The following PRICKLE2 variants were observed in gnomAD, a reference collection of about 807,000 sequenced individuals.
PRICKLE2 encodes the protein prickle planar cell polarity protein 2, also known as prickle-like protein 2.
PRICKLE2 carries 21 observed loss-of-function variants against 81.4 expected under a neutral mutation model. The ratio of observed to expected loss-of-function variants is 0.26; its 90% CI spans 0.18 to 0.37. The LOEUF (loss-of-function observed/expected upper bound fraction) is 0.37, where lower values mean the gene tolerates loss of function less well. PRICKLE2 is among the 10% of genes least tolerant of loss of function. PRICKLE2 has a pLI of 1.00. For missense variants in PRICKLE2, 940 were observed against 1,109.0 expected, an observed-to-expected ratio of 0.85 and a Z score of 2.16; for synonymous variants, 456 against 421.5, an observed-to-expected ratio of 1.08 and a Z score of -1.00.
In PRICKLE2 at chr3:64,160,068, A is replaced by C. The variant is rs1443371091; in HGVS notation, c.268T>G (p.Cys90Gly). ...LPPHDNEVRYCNSLDEEEKRE... is the reference protein window; with the variant it reads ...LPPHDNEVRYGNSLDEEEKRE... ...TTCTCTTCCTCATCCAGGGAGTTGC[A>C]ATATCGAACCTGAATAGACACAGAC... Residue 90 changes from cysteine to glycine, a missense_variant, in exon 4 of 8, where the codon TGC becomes GGC. Cys to Gly is a radical substitution (Grantham distance 159). Coordinates refer to ENST00000638394, the MANE Select transcript of PRICKLE2 (RefSeq NM_198859.4). The C allele has an allele frequency of 1.9e-6, 3 of 1,613,962 alleles. No homozygotes were observed. The African/African-American group carries it at 4.0e-5, about 22-fold the overall frequency.
At chr3:64,122,349 C>G (rs2077040668) in intron 7 of PRICKLE2, among the ~76,000 whole-genome samples, 1 of 152,174 alleles carries the variant, frequency 6.6e-6, no homozygotes, top group South Asian at 2.1e-4. Context: ...ACAGCCAAGG[C>G]TCACTTCAGG....
chr3:64,248,825 A>G (rs2079399298), intron 2 of PRICKLE2, among the ~76,000 whole-genome samples: 1 of 152,198 alleles, frequency 6.6e-6, no homozygotes, highest in African/African-American at 2.4e-5. Flanking sequence ...ACAGACCATG[A>G]TAACATACTA....
At chr3:64,122,832 A>G (rs2077046944) in intron 7 of PRICKLE2, among the ~76,000 whole-genome samples, 1 of 152,148 alleles carries the variant, frequency 6.6e-6, no homozygotes, top group Admixed American at 6.5e-5. Flanking sequence ...GTAGATGGTG[A>G]CCCAGCTCCC....
At chr3:64,199,599 A>G (rs934149033) in intron 1 of PRICKLE2, 2 of 152,600 alleles carry the variant, frequency 1.3e-5, no homozygotes, top group East Asian at 3.9e-4. Flanking sequence ...TAGAAACCCA[A>G]ATTTTCCCTA....
intron 1 of PRICKLE2, among the ~76,000 whole-genome samples, chr3:64,221,843 G>A (rs1186462563): frequency 3.3e-5 from 5 of 152,246 alleles, no homozygotes; most frequent in Admixed American, 6.5e-5. Flanking sequence ...GAGGCAGGCA[G>A]TGCAGTTGGG....
Position 64,163,055 on chromosome 3 carries a change from G to A in PRICKLE2, c.219C>T (p.Ile73=). 1 of 1,614,098 alleles carries A rather than the reference G, an allele frequency of 6.2e-7. No individual in the cohort carries two copies. The highest frequency in any genetic ancestry group is 8.5e-7 in the Non-Finnish European group (1 of 1,179,938). ...GCGGCAGCTGGTGTAGTAGCTGCTT[G>A]ATTCGCAGTTTCTCTCCAGGACTGT... The part of the protein sequence containing the change: ...YVNSPGEKLR[I]KQLLHQLPPH... Residue 73 remains isoleucine, a synonymous_variant, in exon 3 of 8, where the codon ATC becomes ATT. Transcript: ENST00000638394.
intron 1 of PRICKLE2, among the ~76,000 whole-genome samples, chr3:64,221,020 G>C (rs1402306575): frequency 6.6e-6 from 1 of 152,144 alleles, no homozygotes; most frequent in Non-Finnish European, 1.5e-5. Flanking sequence ...TGGCTTCGCT[G>C]TGAGTTTTGT....
At chr3:64,184,741 C>G (rs1006658268) in intron 2 of PRICKLE2, among the ~76,000 whole-genome samples, 3 of 152,184 alleles carry the variant, frequency 2.0e-5, no homozygotes, top group African/African-American at 7.2e-5. Flanking sequence ...GTCTCAGGCT[C>G]CAAGTAGCTT....
intron 2 of PRICKLE2, among the ~76,000 whole-genome samples, chr3:64,249,351 C>T (rs903406843): frequency 1.3e-5 from 2 of 152,178 alleles, no homozygotes; most frequent in African/African-American, 2.4e-5. Context: ...ATGATCCAAC[C>T]ACCTCCCACC....
intron 2 of PRICKLE2, among the ~76,000 whole-genome samples, chr3:64,240,159 T>G (rs1023703582): frequency 7.2e-5 from 11 of 152,124 alleles, no homozygotes; most frequent in African/African-American, 2.7e-4. Context: ...CTGAATCTGT[T>G]CTTTCCATTC....
rs148119267 is a variant in PRICKLE2 at position 64,180,016 on chromosome 3, A to C, written c.145-16887T>G. 3.9e-4 allele frequency among the ~76,000 whole-genome samples: 59 copies of C among 152,338 alleles called. 1 individual carries two copies. In the East Asian group the frequency reaches 0.01, roughly 26 times the overall value. On this transcript the variant is annotated intron_variant, in intron 2 of 7. Transcript: ENST00000638394. ...AATTCCTGCTAAAACCTTAAATACTAAACAGGCCAGAGTGGCTGCTTAATC... is the reference window on the plus strand; with the variant it reads ...AATTCCTGCTAAAACCTTAAATACTCAACAGGCCAGAGTGGCTGCTTAATC...
intron 1 of PRICKLE2, among the ~76,000 whole-genome samples, chr3:64,223,119 G>T (rs574821601): frequency 6.6e-6 from 1 of 152,278 alleles, no homozygotes; most frequent in African/African-American, 2.4e-5. Flanking sequence ...CTTTCTGCAG[G>T]CAAATGGATG....
chr3:64,128,246 G>C (rs561277611), intron 7 of PRICKLE2, among the ~76,000 whole-genome samples: 36 of 152,290 alleles, frequency 2.4e-4, no homozygotes, highest in Admixed American at 1.8e-3. Flanking sequence ...TGGAACAACT[G>C]AATTACTGGA....
intron 2 of PRICKLE2, among the ~76,000 whole-genome samples, chr3:64,175,548 T>C (rs2078008544): frequency 6.6e-6 from 1 of 152,214 alleles, no homozygotes; most frequent in African/African-American, 2.4e-5. Flanking sequence ...AATTTCTTCA[T>C]ATGAAACTGA....
At chr3:64,225,777 A>T (rs893434618), upstream of PRICKLE2, among the ~76,000 whole-genome samples, 1 of 152,088 alleles carries the variant, frequency 6.6e-6, no homozygotes, top group African/African-American at 2.4e-5. Context: ...GGGCACAATT[A>T]TCAACCTGAG....
intron 2 of PRICKLE2, among the ~76,000 whole-genome samples, chr3:64,237,348 T>C (rs1475220880): frequency 6.6e-6 from 1 of 152,084 alleles, no homozygotes; most frequent in Non-Finnish European, 1.5e-5. Context: ...TGGAGGATTT[T>C]ATTGCCAATT....
chr3:64,142,512 C>T (rs1359728430), intron 7 of PRICKLE2, among the ~76,000 whole-genome samples: 2 of 151,998 alleles, frequency 1.3e-5, no homozygotes, highest in African/African-American at 2.4e-5. Flanking sequence ...GGTTTTGCCA[C>T]GTTGGCAAGG....
chr3:64,147,804 C>A lies in PRICKLE2; in HGVS notation c.788-102G>T. On this transcript the variant is annotated intron_variant, in intron 6 of 7. Transcript: ENST00000638394. The surrounding 1 kb of genome is among the most constrained non-coding windows in gnomAD (Gnocchi z 5.0). ...TTGGTTTGTCTCAGGATTCCAGGTG[C>A]GGCAGGATAAACTGTCAATAAATCA... The A allele has an allele frequency of 7.9e-7, 1 of 1,264,112 alleles. No homozygotes were observed. The allele number at this position is 1,264,112 out of a possible 1,614,324, so 78.3% of individuals were successfully genotyped here. A position where few individuals can be genotyped will look rare whatever the true frequency, so the allele number is the denominator to read the frequency against.
At chr3:64,235,023 G>A (rs1438697305) in intron 2 of PRICKLE2, among the ~76,000 whole-genome samples, 2 of 151,966 alleles carry the variant, frequency 1.3e-5, no homozygotes, top group Non-Finnish European at 2.9e-5. Context: ...GTGCTTGATG[G>A]TATCTCACAT....
Sources: allele counts gnomAD v4.1 joint callset (sites outside exome capture counted in the v4.1 genomes callset), GRCh38; gene constraint gnomAD v4.1.1; non-coding constraint Gnocchi (gnomAD v3.1); transcripts MANE v1.5; gene names NCBI Gene and HGNC (gene_info 2026-07-23, HGNC 2026-07-21).